CASZ1: variants seen among roughly 807,000 people sequenced by gnomAD.
The protein encoded by CASZ1 is zinc finger protein castor homolog 1.
A neutral mutation model predicts 135.2 loss-of-function variants in CASZ1; 28 were observed. The ratio of observed to expected loss-of-function variants is 0.21; its 90% CI spans 0.15 to 0.28. The LOEUF (loss-of-function observed/expected upper bound fraction) is 0.28, where lower values mean the gene tolerates loss of function less well. Among genes scored for constraint, CASZ1 ranks in the 10% least tolerant of loss-of-function variants. The pLI is 1.00. For missense variants in CASZ1, 2,161 were observed against 2,453.3 expected (o/e 0.88, Z 2.52); for synonymous variants, 1,068 against 1,073.4 (o/e 0.99, Z 0.10).
intron 2 of CASZ1, among the ~76,000 whole-genome samples, chr1:10,713,259 G>T (rs180757533): frequency 6.6e-6 from 1 of 152,166 alleles, no homozygotes; most frequent in African/African-American, 2.4e-5. Flanking sequence ...ATCATGTGCC[G>T]CTCCCAAGCC....
intron 5 of CASZ1, chr1:10,660,880 T>C: frequency 3.5e-6 from 1 of 287,814 alleles, no homozygotes; most frequent in East Asian, 8.7e-5. Flanking sequence ...GAAGTCATTT[T>C]ACTGGAAGTA....
intron 2 of CASZ1, among the ~76,000 whole-genome samples, chr1:10,713,244 C>T (rs1639318911): frequency 6.6e-6 from 1 of 152,228 alleles, no homozygotes; most frequent in African/African-American, 2.4e-5. Flanking sequence ...TTCATCAAGA[C>T]GGCAATCATG....
In CASZ1 at chr1:10,653,358, C is replaced by A. The variant is rs868529505; in HGVS notation, c.2680+19G>T. 6.2e-7 allele frequency: 1 copy of A among 1,612,646 alleles called. No individual in the cohort carries two copies. Among genetic ancestry groups the A allele is most frequent in the South Asian group, 1.1e-5 (1 of 91,012 alleles). On this transcript the variant is annotated intron_variant, in intron 11 of 20. Transcript: ENST00000377022. ...GTCCAGAAGGTGCCTGCTTTCTGGG[C>A]AGGACCCAGCCTGCTCACCTGGGTC... is the stretch of plus-strand genomic sequence containing the variant.
chr1:10,654,657 A>G, intron 9 of CASZ1, 66 bp from the exon 10 acceptor site: 1 of 1,505,932 alleles, frequency 6.6e-7, no homozygotes, highest in Non-Finnish European at 9.1e-7. Flanking sequence ...GGTCGACACC[A>G]CTGTGTGTGG....
rs531944979 is a variant in CASZ1, at chr1:10,642,683, G to A, written c.4162+176C>T. Among the ~76,000 whole-genome samples, 362 of 152,356 alleles carry A rather than the reference G, an allele frequency of 2.4e-3. 1 individual carries two copies. Among genetic ancestry groups the A allele is most frequent in the African/African-American group, 8.4e-3 (349 of 41,584 alleles). On this transcript the variant is annotated intron_variant, in intron 20 of 20. Coordinates refer to ENST00000377022, the MANE Select transcript of CASZ1 (RefSeq NM_001079843.3). ...AAAGGGCAGTGCCAGGGAGGCGGGA[G>A]GATGGCGGGAGGGGCCTCGATGACC... is the stretch of plus-strand genomic sequence containing the variant.
At chr1:10,786,652 T>C (rs1051957668) in intron 1 of CASZ1, among the ~76,000 whole-genome samples, 2 of 152,204 alleles carry the variant, frequency 1.3e-5, no homozygotes, top group Non-Finnish European at 2.9e-5. Flanking sequence ...ATTTCATAGA[T>C]GAGGCACCGG....
rs749192655 is a variant in CASZ1 at position 10,644,905 on chromosome 1, A to C, written c.3868+12T>G. ...GCTGCAAGTCCCTGCCCGCAGCCCCAGCCCTCGGTACCTAGCCTGCCACAC... is the reference window on the plus strand; with the variant it reads ...GCTGCAAGTCCCTGCCCGCAGCCCCCGCCCTCGGTACCTAGCCTGCCACAC... On this transcript the variant is annotated intron_variant, in intron 18 of 20. Transcript: ENST00000377022. The C allele has an allele frequency of 1.2e-6, 2 of 1,607,716 alleles. No homozygotes were observed. The highest frequency in any genetic ancestry group is 1.7e-6 in the Non-Finnish European group (2 of 1,176,238).
chr1:10,639,696 G>T lies in CASZ1; in HGVS notation c.4526C>A (p.Ser1509Ter). The T allele has an allele frequency of 6.3e-7, 1 of 1,596,872 alleles. No homozygotes were observed. The highest frequency in any genetic ancestry group is 1.7e-5 in the Admixed American group (1 of 57,280). ...LSCHFADCPFSGTSTHFHCLR... is the reference protein window; with the variant it reads ...LSCHFADCPF Reference sequence around the variant, plus strand: ...GCAGTGGAAGTGCGTGCTGGTGCCCGAGAAGGGGCAGTCGGCGAAGTGGCA... The same window carrying T: ...GCAGTGGAAGTGCGTGCTGGTGCCCTAGAAGGGGCAGTCGGCGAAGTGGCA... Residue 1509 changes from serine (S) to a stop codon, truncating the protein, a stop_gained, in exon 21 of 21, where the codon TCG (serine) becomes TAG (stop). Coordinates refer to ENST00000377022, the MANE Select transcript of CASZ1 (RefSeq NM_001079843.3). LOFTEE classifies it high-confidence loss of function. The surrounding 1 kb of genome is among the most constrained non-coding windows in gnomAD (Gnocchi z 4.0).
At chr1:10,692,602 C>A (rs981358990) in intron 4 of CASZ1, among the ~76,000 whole-genome samples, 2 of 152,170 alleles carry the variant, frequency 1.3e-5, no homozygotes, top group Non-Finnish European at 2.9e-5. Context: ...AGGCCCTCCA[C>A]GTCAGACCAG....
At chr1:10,745,851 C>G in intron 2 of CASZ1, among the ~76,000 whole-genome samples, 1 of 152,200 alleles carries the variant, frequency 6.6e-6, no homozygotes, top group Non-Finnish European at 1.5e-5. Flanking sequence ...GGGACAAAAA[C>G]GGGGAAGAGC....
intron 6 of CASZ1, among the ~76,000 whole-genome samples, chr1:10,659,100 T>C (rs1642907170): frequency 6.6e-6 from 1 of 151,462 alleles, no homozygotes; most frequent in Non-Finnish European, 1.5e-5. Context: ...ACCCAGGCCG[T>C]TCCCCTGCCC....
chr1:10,652,036 G>C (rs1447089697), intron 11 of CASZ1: 1 of 152,266 alleles, frequency 6.6e-6, no homozygotes, highest in African/African-American at 2.4e-5. Flanking sequence ...CCCTCCACGC[G>C]GCCACCGGGC....
intron 4 of CASZ1, among the ~76,000 whole-genome samples, chr1:10,686,477 G>A (rs505051): frequency 0.025 from 3,785 of 152,256 alleles, 79 homozygotes; most frequent in African/African-American, 0.055. Context: ...CTGTTGCCCA[G>A]GGGACCAAGG....
chr1:10,641,569 C>T (rs1000517111), intron 20 of CASZ1, among the ~76,000 whole-genome samples: 2 of 152,166 alleles, frequency 1.3e-5, no homozygotes, highest in African/African-American at 2.4e-5. Flanking sequence ...GGGCGTGGCC[C>T]GGGGCTCAGG....
rs745671743 is a variant in CASZ1, at chr1:10,665,551, C to A, written c.37G>T (p.Asp13Tyr). Reference protein sequence around the residue: ...LGTAEGTRCTDPPAGKPAMAP... With the variant: ...LGTAEGTRCTYPPAGKPAMAP... ...ATGGCGGGCTTGCCTGCAGGCGGGTCCGTGCACCGGGTGCCCTCAGCTGCA... is the reference window on the plus strand; with the variant it reads ...ATGGCGGGCTTGCCTGCAGGCGGGTACGTGCACCGGGTGCCCTCAGCTGCA... Residue 13 changes from aspartate (D) to tyrosine (Y), a missense_variant, in exon 5 of 21, where the codon GAC becomes TAC. Asp to Tyr is a radical substitution (Grantham distance 160). This residue lies in a region of CASZ1 where 590 missense variants were observed against 609.8 expected (regional missense o/e 0.97). Transcript: ENST00000377022. 1 of 1,570,714 alleles carries A rather than the reference C, an allele frequency of 6.4e-7. No homozygotes were observed. The highest frequency in any genetic ancestry group is 1.1e-5 in the South Asian group (1 of 87,066).
Position 10,639,080 on chromosome 1 carries a change from G to T in CASZ1, c.5142C>A (p.Asp1714Glu). The stretch of plus-strand genomic sequence containing the variant: ...GCGACTCCTCCGAGTCGGTGCGCAG[G>T]TCCTCGTCGTCGTCGTCCTCGTCGT... The part of the protein sequence containing the change: ...EDDDEDDDDE[D>E]LRTDSEESLP... Residue 1714 changes from aspartate to glutamate, a missense_variant, in exon 21 of 21, where the codon GAC becomes GAA. Physicochemically the swap from Asp to Glu is conservative, Grantham distance 45. Around this residue, in one of 7 missense-constraint regions of CASZ1, gnomAD observed 185 missense variants for 134.7 expected, o/e 1.37. Transcript: ENST00000377022. The surrounding 1 kb of genome is among the most constrained non-coding windows in gnomAD (Gnocchi z 4.0). 8.7e-7 allele frequency: 1 copy of T among 1,143,648 alleles called. No individual in the cohort carries two copies. 70.8% of individuals were successfully genotyped at this position (1,143,648 alleles called of 1,614,324 possible). A position where few individuals can be genotyped will look rare whatever the true frequency, so the allele number is the denominator to read the frequency against.
At position 10,657,666 on chromosome 1, in the gene CASZ1, C is replaced by A. The variant is rs1212388189; in HGVS notation, c.1409+842G>T. 6.6e-6 allele frequency among the ~76,000 whole-genome samples: 1 copy of A among 151,750 alleles called. No individual in the cohort carries two copies. Among genetic ancestry groups the A allele is most frequent in the Non-Finnish European group, 1.5e-5 (1 of 67,960 alleles). On this transcript the variant is annotated intron_variant, in intron 7 of 20. Coordinates refer to ENST00000377022, the MANE Select transcript of CASZ1 (RefSeq NM_001079843.3). The surrounding 1 kb of genome is among the most constrained non-coding windows in gnomAD (Gnocchi z 5.7). ...GGGATGGGGGTGGACAGAGACAGAGCAGGACAGGGGATCGGAGACAGAGTG... is the reference window on the plus strand; with the variant it reads ...GGGATGGGGGTGGACAGAGACAGAGAAGGACAGGGGATCGGAGACAGAGTG...
At chr1:10,644,821 A>C in intron 18 of CASZ1, 96 bp downstream of exon 18, 1 of 1,290,460 alleles carries the variant, frequency 7.7e-7, no homozygotes, top group Non-Finnish European at 1.1e-6. Flanking sequence ...GCGGTGGGGA[A>C]CAGGACGCGG....
rs1432316916 is a variant in CASZ1, at chr1:10,755,788, T to TG, written c.-77+4912dup. ...ATCTCTGCCCAGCCCAAGGCAACCT[T>TG]GGGGTCTACCCATCCTCTGGAGCAC... is the stretch of plus-strand genomic sequence containing the variant. On this transcript the variant is annotated intron_variant, in intron 2 of 20. Coordinates refer to ENST00000377022, the MANE Select transcript of CASZ1 (RefSeq NM_001079843.3). This position sits in a 1 kb window ranked among gnomAD's most constrained non-coding sequence, Gnocchi z 4.3. Among the ~76,000 whole-genome samples, 1 of 152,048 alleles carries TG rather than the reference T, an allele frequency of 6.6e-6. No homozygotes were observed. The highest frequency in any genetic ancestry group is 2.4e-5 in the African/African-American group (1 of 41,378).
Sources: gnomAD v4.1 joint callset for allele counts (sites outside exome capture counted in the v4.1 genomes callset) on GRCh38, gnomAD v4.1.1 for gene constraint, gnomAD v4.1.1 regional missense constraint, Gnocchi (gnomAD v3.1) non-coding constraint, MANE v1.5 for transcripts, NCBI Gene and HGNC (gene_info 2026-07-23, HGNC 2026-07-21) for gene names.